FGF14: variants seen among roughly 807,000 people sequenced by gnomAD.
FGF14 encodes fibroblast growth factor homologous factor 4.
In FGF14, 5 loss-of-function variants were observed where a neutral mutation model predicts 25.5. The observed-to-expected ratio is 0.20, with a 90% confidence interval of 0.10 to 0.41. The LOEUF is 0.41. FGF14 is among the 10% of genes least tolerant of loss of function. The pLI is 1.00. For missense variants in FGF14, 222 were observed against 320.1 expected (o/e 0.69, Z 2.34); for synonymous variants, 138 against 118.3 (o/e 1.17, Z -1.08).
intron 1 of FGF14, among the ~76,000 whole-genome samples, chr13:101,932,756 T>TAAAAAAAAAAA (rs869271842): frequency 1.0e-5 from 1 of 98,580 alleles, no homozygotes; most frequent in African/African-American, 4.1e-5. Flanking sequence ...AAAATTACAG[T>TAAAAAAAAAAA]AAAAAAAAAA....
chr13:101,974,135 A>G (rs753916332), intron 1 of FGF14, among the ~76,000 whole-genome samples: 2 of 152,246 alleles, frequency 1.3e-5, no homozygotes, highest in African/African-American at 4.8e-5. Flanking sequence ...GAATAAGTCC[A>G]TATCTAGAAA....
intron 1 of FGF14, among the ~76,000 whole-genome samples, chr13:102,050,610 A>C (rs577098855): frequency 1.3e-5 from 2 of 152,198 alleles, no homozygotes; most frequent in Non-Finnish European, 2.9e-5. Context: ...GGACTACACC[A>C]AGTCACCAAG....
At chr13:102,228,520 T>C (rs977201132) in intron 1 of FGF14, among the ~76,000 whole-genome samples, 1 of 152,194 alleles carries the variant, frequency 6.6e-6, no homozygotes, top group African/African-American at 2.4e-5. Context: ...AACAATGTTC[T>C]CCTATCCATT....
chr13:102,012,493 T>TG (rs2040134930), intron 1 of FGF14, among the ~76,000 whole-genome samples: 1 of 152,090 alleles, frequency 6.6e-6, no homozygotes. Flanking sequence ...CCAAAGCTTG[T>TG]CATTTGGGGG....
At chr13:102,237,300 TC>T (rs2051372317) in intron 1 of FGF14, among the ~76,000 whole-genome samples, 1 of 152,190 alleles carries the variant, frequency 6.6e-6, no homozygotes, top group African/African-American at 2.4e-5. Context: ...TGAGGTGGGT[TC>T]CCTGCATCCG....
exon 1 of FGF14, chr13:102,401,678 T>G: frequency 6.2e-6 from 10 of 1,612,452 alleles, no homozygotes; most frequent in Non-Finnish European, 8.5e-6. Context: ...GGTTTTACCA[T>G]AGGAAAAACG....
chr13:102,055,090 A>G (rs900285789), intron 1 of FGF14, among the ~76,000 whole-genome samples: 1 of 152,236 alleles, frequency 6.6e-6, no homozygotes, highest in Non-Finnish European at 1.5e-5. Context: ...TTAAAGACTT[A>G]GCCAGTTCCT....
chr13:101,968,669 T>A (rs1211366859), intron 1 of FGF14, among the ~76,000 whole-genome samples: 2 of 87,004 alleles, frequency 2.3e-5, no homozygotes, highest in African/African-American at 9.4e-5. Context: ...CGAGACTCCG[T>A]CTCCAAAAAA....
At chr13:102,029,369 G>T (rs1011492967) in intron 1 of FGF14, among the ~76,000 whole-genome samples, 9 of 151,882 alleles carry the variant, frequency 5.9e-5, no homozygotes, top group Admixed American at 3.9e-4. Flanking sequence ...TTTATAAACT[G>T]CCCCTCTTAT....
chr13:101,949,451 G>T (rs750736593), intron 1 of FGF14, among the ~76,000 whole-genome samples: 2 of 152,104 alleles, frequency 1.3e-5, no homozygotes, highest in East Asian at 1.9e-4. Flanking sequence ...GGGGCTGAAC[G>T]AGTGGTTCTT....
At chr13:102,199,423 ATTAT>A (rs2049511787) in intron 1 of FGF14, among the ~76,000 whole-genome samples, 2 of 152,148 alleles carry the variant, frequency 1.3e-5, no homozygotes, top group Admixed American at 6.5e-5. Flanking sequence ...CTTTCTATGG[ATTAT>A]TTGTCTTCAG....
chr13:102,186,141 G>C (rs971444565), intron 1 of FGF14, among the ~76,000 whole-genome samples: 1 of 151,932 alleles, frequency 6.6e-6, no homozygotes, highest in African/African-American at 2.4e-5. Context: ...AATAACTAAA[G>C]CTGATAGTTT....
chr13:101,922,880 A>G (rs752748033), intron 1 of FGF14, among the ~76,000 whole-genome samples: 1 of 151,924 alleles, frequency 6.6e-6, no homozygotes, highest in Non-Finnish European at 1.5e-5. Context: ...TCCAAAAAAC[A>G]TATTTTGTAC....
Position 102,400,423 on chromosome 13 carries a change from G to C in FGF14, c.208+1048C>G, listed in dbSNP as rs1004763537. On this transcript the variant is annotated intron_variant, in intron 1 of 4. Coordinates refer to the FGF14 transcript ENST00000376131. This position sits in a 1 kb window ranked among gnomAD's most constrained non-coding sequence, Gnocchi z 4.3. ...GAGCTAGGGGACGCCACACACTCCC[G>C]GCTGCCAGCGTGAGCGGTTCCGGGA... 1.3e-5 allele frequency among the ~76,000 whole-genome samples: 2 copies of C among 152,080 alleles called. No homozygotes were observed. The highest frequency in any genetic ancestry group is 2.9e-5 in the Non-Finnish European group (2 of 68,012).
intron 3 of FGF14, among the ~76,000 whole-genome samples, chr13:101,829,023 TGTGTTTCTG>T (rs2042544032): frequency 6.6e-6 from 1 of 152,118 alleles, no homozygotes; most frequent in South Asian, 2.1e-4. Flanking sequence ...CTGTAACTGC[TGTGTTTCTG>T]GTGTTTCCAA....
chr13:102,219,361 T>C (rs1302297678), intron 1 of FGF14, among the ~76,000 whole-genome samples: 1 of 152,150 alleles, frequency 6.6e-6, no homozygotes, highest in East Asian at 1.9e-4. Flanking sequence ...CATGCAATGG[T>C]TACCCCAGAG....
intron 3 of FGF14, among the ~76,000 whole-genome samples, chr13:101,789,630 T>G (rs2040115358): frequency 6.6e-6 from 1 of 152,152 alleles, no homozygotes; most frequent in Non-Finnish European, 1.5e-5. Flanking sequence ...CTGAGGTTCA[T>G]GGGTTCTCCA....
chr13:102,070,403 G>GA (rs1447042630), intron 1 of FGF14, among the ~76,000 whole-genome samples: 1 of 152,172 alleles, frequency 6.6e-6, no homozygotes, highest in East Asian at 1.9e-4. Flanking sequence ...AAGATGTGGA[G>GA]AAAAGGGTAC....
chr13:102,267,526 T>G (rs904315362), intron 1 of FGF14, among the ~76,000 whole-genome samples: 2 of 152,170 alleles, frequency 1.3e-5, no homozygotes, highest in African/African-American at 4.8e-5. Flanking sequence ...TTGGCCATTT[T>G]TAAAGTTATG....
Sources: gnomAD v4.1 joint callset for allele counts (sites outside exome capture counted in the v4.1 genomes callset) on GRCh38, gnomAD v4.1.1 for gene constraint, Gnocchi (gnomAD v3.1) non-coding constraint, MANE v1.5 for transcripts, NCBI Gene and HGNC (gene_info 2026-07-23, HGNC 2026-07-21) for gene names.